The following WAPL variants were observed in gnomAD, a reference collection of about 807,000 sequenced individuals.
WAPL encodes WAPL cohesin release factor.
WAPL carries 5 observed loss-of-function variants against 121.0 expected under a neutral mutation model. The ratio of observed to expected loss-of-function variants is 0.04; its 90% confidence interval spans 0.02 to 0.09. The LOEUF (loss-of-function observed/expected upper bound fraction) is 0.09. WAPL is among the 10% of genes least tolerant of loss of function. The pLI is 1.00. For synonymous variants in WAPL, 480 were observed against 481.5 expected (o/e 1.00, Z 0.04); for missense variants, 999 against 1,410.8 (o/e 0.71, Z 4.68).
intron 2 of WAPL, among the ~76,000 whole-genome samples, chr10:86,516,220 C>T (rs539255967): frequency 6.6e-6 from 1 of 152,138 alleles, no homozygotes; most frequent in East Asian, 1.9e-4. Flanking sequence ...GTCAACAACG[C>T]CTGAGGAGAA....
At chr10:86,486,461 T>C (rs1238589149) in intron 4 of WAPL, among the ~76,000 whole-genome samples, 1 of 152,238 alleles carries the variant, frequency 6.6e-6, no homozygotes, top group Non-Finnish European at 1.5e-5. Flanking sequence ...ACTGCAGGTT[T>C]ATGTAATTAC....
At chr10:86,514,009 C>A (rs1245862215) in intron 2 of WAPL, among the ~76,000 whole-genome samples, 3 of 152,188 alleles carry the variant, frequency 2.0e-5, no homozygotes, top group African/African-American at 7.2e-5. Flanking sequence ...AAAACTTTAT[C>A]ATTCTCAGAA....
chr10:86,519,307 A>G (rs1208922845), intron 1 of WAPL, among the ~76,000 whole-genome samples: 1 of 152,252 alleles, frequency 6.6e-6, no homozygotes, highest in Non-Finnish European at 1.5e-5. Flanking sequence ...TACATCGAAT[A>G]TAACTTTAAA....
At chr10:86,499,654 G>A in intron 3 of WAPL, 64 bp downstream of exon 3, 7 of 1,496,268 alleles carry the variant, frequency 4.7e-6, no homozygotes, top group Non-Finnish European at 6.2e-6. Context: ...TGAAACCACA[G>A]AAAGTGAAAC....
intron 4 of WAPL, among the ~76,000 whole-genome samples, chr10:86,483,891 G>C (rs1841865011): frequency 7.7e-6 from 1 of 129,118 alleles, no homozygotes; most frequent in South Asian, 2.3e-4. Flanking sequence ...CTGGCTAACT[G>C]TATTTTTAGT....
At chr10:86,492,633 A>G (rs965906203) in intron 4 of WAPL, among the ~76,000 whole-genome samples, 1 of 152,194 alleles carries the variant, frequency 6.6e-6, no homozygotes, top group Non-Finnish European at 1.5e-5. Flanking sequence ...GAATTTAATC[A>G]AACTTCCAGA....
chr10:86,520,679 A>C (rs1022305982), intron 1 of WAPL, among the ~76,000 whole-genome samples: 1 of 151,572 alleles, frequency 6.6e-6, no homozygotes, highest in Non-Finnish European at 1.5e-5. Context: ...AAAAGGAAAG[A>C]ATGATTGACG....
In WAPL at chr10:86,436,737, T is replaced by C. The variant is rs1302046215; in HGVS notation, c.*806A>G. 1.3e-5 allele frequency: 2 copies of C among 152,684 alleles called. No individual in the cohort carries two copies. The highest frequency in any genetic ancestry group is 2.9e-5 in the Non-Finnish European group (2 of 68,048). The allele number at this position is 152,684 out of a possible 1,614,324, so 9.5% of individuals were successfully genotyped here. A position where few individuals can be genotyped will look rare whatever the true frequency, so the allele number is the denominator to read the frequency against. ...TTTTAAGAGCCTCCCTAGCATTAAG[T>C]GTAAACTACCCTGGGTTTGACTATT... On this transcript the variant is annotated 3_prime_UTR_variant, in exon 19 of 19. Coordinates refer to ENST00000298767, the MANE Select transcript of WAPL (RefSeq NM_015045.5).
Position 86,452,151 on chromosome 10 carries a change from CA to C in WAPL, c.2950-21del. Reference sequence around the variant, plus strand: ...TAAGCCCTTCAAAAAGTTTAAAAGACACATATTATCAGAGATGAGTACTTAA... The same window carrying C: ...TAAGCCCTTCAAAAAGTTTAAAAGACCATATTATCAGAGATGAGTACTTAA... On this transcript the variant is annotated intron_variant, in intron 14 of 18. Transcript: ENST00000298767. The C allele has an allele frequency of 6.2e-7, 1 of 1,608,328 alleles. No individual in the cohort carries two copies. The highest frequency in any genetic ancestry group is 1.7e-4 in the Middle Eastern group (1 of 6,030).
At chr10:86,480,596 C>T (rs1355219671) in intron 4 of WAPL, among the ~76,000 whole-genome samples, 2 of 151,726 alleles carry the variant, frequency 1.3e-5, no homozygotes, top group African/African-American at 2.4e-5. Flanking sequence ...AGATGATTAT[C>T]AAATTTAGAA....
rs1038679728 is a variant in WAPL at position 86,435,739 on chromosome 10, G to A, written c.*1804C>T. 3.3e-5 allele frequency: 5 copies of A among 152,444 alleles called. No homozygotes were observed. The highest frequency in any genetic ancestry group is 1.9e-4 in the East Asian group (1 of 5,202). 9.4% of individuals were successfully genotyped at this position (152,444 alleles called of 1,614,324 possible). A position where few individuals can be genotyped will look rare whatever the true frequency, so the allele number is the denominator to read the frequency against. ...CCAGTGTAACAGAAAAATGCAGTTC[G>A]CCCTGATTGTTCTCATCCAAATGTT... On this transcript the variant is annotated 3_prime_UTR_variant, in exon 19 of 19. Transcript: ENST00000298767.
At chr10:86,464,840 A>AAAAC (rs556705467) in intron 9 of WAPL, among the ~76,000 whole-genome samples, 2 of 152,226 alleles carry the variant, frequency 1.3e-5, no homozygotes, top group South Asian at 2.1e-4. Context: ...TCGTCTCAAA[A>AAAAC]AAACAAACAA....
intron 17 of WAPL, among the ~76,000 whole-genome samples, chr10:86,439,543 T>A (rs1849410227): frequency 6.6e-6 from 1 of 152,210 alleles, no homozygotes; most frequent in South Asian, 2.1e-4. Flanking sequence ...AGTGACAGCA[T>A]TTTTTAACAG....
intron 4 of WAPL, among the ~76,000 whole-genome samples, chr10:86,487,243 G>GCA (rs1841946036): frequency 6.6e-6 from 1 of 151,978 alleles, no homozygotes; most frequent in Non-Finnish European, 1.5e-5. Flanking sequence ...AAGTATATCA[G>GCA]CACACATATG....
chr10:86,438,338 CT>C (rs1177352595), intron 17 of WAPL, among the ~76,000 whole-genome samples: 2 of 151,510 alleles, frequency 1.3e-5, no homozygotes, highest in African/African-American at 4.9e-5. Flanking sequence ...ACTGCAACCT[CT>C]ACCTCCTGGG....
At chr10:86,460,189 G>C (rs1427991437) in intron 11 of WAPL, among the ~76,000 whole-genome samples, 1 of 152,126 alleles carries the variant, frequency 6.6e-6, no homozygotes, top group Non-Finnish European at 1.5e-5. Context: ...CATTTCATTT[G>C]CAGCAATAAT....
At position 86,517,701 on chromosome 10, in the gene WAPL, G is replaced by A. The variant is rs776203793; in HGVS notation, c.369C>T (p.Val123=). The A allele has an allele frequency of 5.6e-6, 9 of 1,613,908 alleles. No individual in the cohort carries two copies. In the Admixed American group the frequency reaches 8.3e-5, roughly 15 times the overall value. ...TATCAGAAACGACAGTGTCTTCAAC[G>A]ACCACATGACTAATTTTGCTATTAG... ...LEANSKISHV[V]VEDTVVSDKC... The change falls in exon 2 of 19, where the codon GTC becomes GTT. Residue 123 remains valine (V), a synonymous_variant. Coordinates refer to ENST00000298767, the MANE Select transcript of WAPL (RefSeq NM_015045.5).
At chr10:86,454,738 G>A (rs931141651) in intron 12 of WAPL, among the ~76,000 whole-genome samples, 2 of 149,170 alleles carry the variant, frequency 1.3e-5, no homozygotes, top group Non-Finnish European at 3.0e-5. Flanking sequence ...CGCCCAGCCT[G>A]GGAAGTGAGG....
chr10:86,454,526 C>T (rs1372154449), intron 12 of WAPL, among the ~76,000 whole-genome samples: 2 of 152,212 alleles, frequency 1.3e-5, no homozygotes, highest in Admixed American at 6.5e-5. Flanking sequence ...TGCAGGCGGG[C>T]GCCGCCACAC....
Sources: allele counts gnomAD v4.1 joint callset (sites outside exome capture counted in the v4.1 genomes callset), GRCh38; gene constraint gnomAD v4.1.1; transcripts MANE v1.5; gene names NCBI Gene and HGNC (gene_info 2026-07-23, HGNC 2026-07-21).